The following ITGA11 variants were observed in gnomAD, a reference collection of about 807,000 sequenced individuals.
ITGA11 encodes the protein integrin subunit alpha 11.
Under a neutral mutation model 141.9 loss-of-function variants are expected in ITGA11, and 97 were observed. That is an observed-to-expected ratio of 0.68 (90% CI 0.58 to 0.81). The LOEUF (loss-of-function observed/expected upper bound fraction) is 0.81. ITGA11 is among the 30% of genes least tolerant of loss of function. ITGA11 has a pLI of 0.00. For synonymous variants in ITGA11, 658 were observed against 624.6 expected (o/e 1.05, Z -0.80); for missense variants, 1,387 against 1,559.2 (o/e 0.89, Z 1.86).
chr15:68,420,858 G>T (rs1331807397), intron 1 of ITGA11, among the ~76,000 whole-genome samples: 3 of 152,178 alleles, frequency 2.0e-5, no homozygotes, highest in Non-Finnish European at 2.9e-5. Context: ...AATAATGTGA[G>T]ATAATATTAA....
At chr15:68,427,483 T>C (rs879608185) in intron 1 of ITGA11, among the ~76,000 whole-genome samples, 24 of 152,132 alleles carry the variant, frequency 1.6e-4, no homozygotes, top group Admixed American at 1.6e-3. Context: ...ATGCCAATTA[T>C]TTCTGCTGCT....
At chr15:68,320,552 T>A (rs72741167) in intron 19 of ITGA11, among the ~76,000 whole-genome samples, 160 bp from the exon 20 acceptor site, 13 of 152,054 alleles carry the variant, frequency 8.5e-5, no homozygotes, top group African/African-American at 2.9e-4. Flanking sequence ...ATGGCAGGGC[T>A]GGAAAGAGCT....
chr15:68,407,476 A>C (rs1896675294), intron 1 of ITGA11, among the ~76,000 whole-genome samples: 1 of 152,152 alleles, frequency 6.6e-6, no homozygotes, highest in Non-Finnish European at 1.5e-5. Context: ...TTTATGGTAG[A>C]TGGGTTTCAT....
Position 68,313,789 on chromosome 15 carries a change from G to A in ITGA11, c.2872C>T (p.Leu958Phe). ...CGGAGCCCGGCCCACCTGGTGAAGA[G>A]GACGTCAGCCTCGTATTTGAGGTGG... Reference protein sequence around the residue: ...RFHLKYEADVLFTRSSSLSHY... With the variant: ...RFHLKYEADVFFTRSSSLSHY... Residue 958 changes from leucine to phenylalanine, a missense_variant, in exon 23 of 30, where the codon CTC becomes TTC. Coordinates refer to ENST00000315757, the MANE Select transcript of ITGA11 (RefSeq NM_001004439.2). 6.2e-7 allele frequency: 1 copy of A among 1,613,802 alleles called. No homozygotes were observed. Among genetic ancestry groups the A allele is most frequent in the Non-Finnish European group, 8.5e-7 (1 of 1,179,784 alleles).
intron 10 of ITGA11, among the ~76,000 whole-genome samples, chr15:68,340,640 G>A (rs1458745485): frequency 1.3e-5 from 2 of 152,220 alleles, no homozygotes; most frequent in East Asian, 1.9e-4. Context: ...CAGGACAAGG[G>A]GAAGCTGCAA....
chr15:68,391,924 T>C (rs1276110585), intron 2 of ITGA11, among the ~76,000 whole-genome samples: 1 of 152,210 alleles, frequency 6.6e-6, no homozygotes. Context: ...TCAGTTCAAC[T>C]TAATTTTTAA....
At position 68,299,437 on chromosome 15, in the gene ITGA11, TATAAG is replaced by T. The variant is rs1892977702; in HGVS notation, c.*3617_*3621del. On this transcript the variant is annotated 3_prime_UTR_variant, in exon 30 of 30. Transcript: ENST00000315757. Reference sequence around the variant, plus strand: ...AGGGGAGTTTTTTTTTTTTTTAAATTATAAGAAGGAGTGCAGGATAAAAGGCTGGA... The same window carrying T: ...AGGGGAGTTTTTTTTTTTTTTAAATTAAGGAGTGCAGGATAAAAGGCTGGA... The T allele has an allele frequency of 6.6e-6, 1 of 151,742 alleles. No individual in the cohort carries two copies. Among genetic ancestry groups the T allele is most frequent in the Non-Finnish European group, 1.5e-5 (1 of 67,960 alleles). 9.4% of individuals were successfully genotyped at this position (151,742 alleles called of 1,614,324 possible).
At chr15:68,412,764 C>G (rs901386942) in intron 1 of ITGA11, among the ~76,000 whole-genome samples, 2 of 148,460 alleles carry the variant, frequency 1.3e-5, no homozygotes, top group African/African-American at 4.9e-5. Context: ...CAACCTCCGC[C>G]TCCCAGGTTC....
Position 68,335,915 on chromosome 15 carries a change from G to A in ITGA11, c.1277-70C>T. ...GCAGGCGTTGCTTGGCCCGGTGCAT[G>A]GCTTGGCAGTGCCAGAGGATGGGCC... On this transcript the variant is annotated intron_variant, in intron 11 of 29. Coordinates refer to ENST00000315757, the MANE Select transcript of ITGA11 (RefSeq NM_001004439.2). The surrounding 1 kb of genome is among the most constrained non-coding windows in gnomAD (Gnocchi z 4.9). 6.5e-7 allele frequency: 1 copy of A among 1,542,074 alleles called. No individual in the cohort carries two copies. The highest frequency in any genetic ancestry group is 8.8e-7 in the Non-Finnish European group (1 of 1,137,256).
rs1892928982 is a variant in ITGA11, at chr15:68,297,283, T to G, written c.*5776A>C. ...TATTTCTTCATTTGTCTTTTTTAAG[T>G]GGGGAGGTGGGAGTGGCTAACTTTT... On this transcript the variant is annotated 3_prime_UTR_variant, in exon 30 of 30. Transcript: ENST00000315757. 6.6e-6 allele frequency: 1 copy of G among 152,014 alleles called. No individual in the cohort carries two copies. Among genetic ancestry groups the G allele is most frequent in the Non-Finnish European group, 1.5e-5 (1 of 67,990 alleles). The allele number at this position is 152,014 out of a possible 1,614,324, so 9.4% of individuals were successfully genotyped here.
chr15:68,397,953 T>G (rs1402702011), intron 2 of ITGA11, among the ~76,000 whole-genome samples: 1 of 149,374 alleles, frequency 6.7e-6, no homozygotes, highest in Non-Finnish European at 1.5e-5. Context: ...AAGCAAATGC[T>G]GAGAGATTTT....
At chr15:68,381,130 C>T (rs1477176055) in intron 2 of ITGA11, among the ~76,000 whole-genome samples, 2 of 152,206 alleles carry the variant, frequency 1.3e-5, no homozygotes, top group African/African-American at 4.8e-5. Flanking sequence ...GTCAGTGATT[C>T]CAGCACCTGG....
chr15:68,428,440 T>G (rs1438663516), intron 1 of ITGA11, among the ~76,000 whole-genome samples: 1 of 151,948 alleles, frequency 6.6e-6, no homozygotes. Context: ...GGGAAGAGCA[T>G]GGAGATAGAC....
rs1893798334 is a variant in ITGA11, at chr15:68,321,277, A to G, written c.2408+141T>C. ...GAGTTGGTGGCAGAGCCTGGGCTAGAACGCAGGCTCCAAGTGCAATGTTTG... is the reference window on the plus strand; with the variant it reads ...GAGTTGGTGGCAGAGCCTGGGCTAGGACGCAGGCTCCAAGTGCAATGTTTG... On this transcript the variant is annotated intron_variant, in intron 19 of 29. Transcript: ENST00000315757. The surrounding 1 kb of genome is among the most constrained non-coding windows in gnomAD (Gnocchi z 4.9). The G allele has an allele frequency of 2.1e-6, 1 of 481,092 alleles. No individual in the cohort carries two copies. Among genetic ancestry groups the G allele is most frequent in the Non-Finnish European group, 3.7e-6 (1 of 268,950 alleles). The allele number at this position is 481,092 out of a possible 1,614,324, so 29.8% of individuals were successfully genotyped here.
chr15:68,429,727 G>T (rs1429336340), intron 1 of ITGA11, among the ~76,000 whole-genome samples: 2 of 152,166 alleles, frequency 1.3e-5, no homozygotes, highest in African/African-American at 4.8e-5. Context: ...GACCCTTCTA[G>T]TCTTCAAAGT....
chr15:68,315,981 C>G (rs185310950), intron 21 of ITGA11, among the ~76,000 whole-genome samples: 1 of 152,318 alleles, frequency 6.6e-6, no homozygotes, highest in Admixed American at 6.5e-5. Flanking sequence ...GAGCCAGCCC[C>G]CCTCCCTCTT....
At chr15:68,416,223 C>T (rs1226038445) in intron 1 of ITGA11, among the ~76,000 whole-genome samples, 1 of 152,210 alleles carries the variant, frequency 6.6e-6, no homozygotes, top group East Asian at 1.9e-4. Context: ...GCATTTGCAG[C>T]TCTATATGAG....
chr15:68,332,087 G>A, intron 13 of ITGA11, 25 bp from the exon 14 acceptor site: 1 of 1,557,708 alleles, frequency 6.4e-7, no homozygotes, highest in Non-Finnish European at 8.7e-7. Flanking sequence ...GCAGAAAAAG[G>A]CTGGGGAGGG....
At chr15:68,331,755 G>A in intron 14 of ITGA11, 104 bp downstream of exon 14, 9 of 994,910 alleles carry the variant, frequency 9.0e-6, no homozygotes, top group Non-Finnish European at 1.4e-5. Flanking sequence ...TCTGTGAGAG[G>A]GCCTGGAAGA....
Sources: gnomAD v4.1 joint callset for allele counts (sites outside exome capture counted in the v4.1 genomes callset) on GRCh38, gnomAD v4.1.1 for gene constraint, Gnocchi (gnomAD v3.1) non-coding constraint, MANE v1.5 for transcripts, NCBI Gene and HGNC (gene_info 2026-07-23, HGNC 2026-07-21) for gene names.